The following MAST4 variants were observed in gnomAD, a reference collection of about 807,000 sequenced individuals.
MAST4 encodes microtubule associated serine/threonine kinase family member 4, also known as microtubule-associated serine/threonine-protein kinase 4.
In MAST4, 89 loss-of-function variants were observed where a neutral mutation model predicts 162.7. That is an observed-to-expected ratio of 0.55 (90% CI 0.46 to 0.65). MAST4 has a LOEUF of 0.65. Ranked by LOEUF, MAST4 falls within the 30% of genes least tolerant of loss-of-function variation. MAST4 has a pLI of 0.00. For synonymous variants in MAST4, 1,479 were observed against 1,361.1 expected (o/e 1.09, Z -1.91); for missense variants, 3,153 against 3,374.0 (o/e 0.93, Z 1.62).
chr5:66,983,017 T>TTA, intron 4 of MAST4, among the ~76,000 whole-genome samples: 1 of 152,298 alleles, frequency 6.6e-6, no homozygotes, highest in Middle Eastern at 3.4e-3. Context: ...CACATAGCAT[T>TTA]TATATAGGAT....
intron 3 of MAST4, among the ~76,000 whole-genome samples, chr5:66,801,310 T>TG (rs1755908054): frequency 6.6e-6 from 1 of 151,802 alleles, no homozygotes; most frequent in African/African-American, 2.4e-5. Context: ...TGGAGAATCC[T>TG]GGGGTAGGTG....
chr5:66,933,433 A>G (rs1302855562), intron 4 of MAST4, among the ~76,000 whole-genome samples: 1 of 152,216 alleles, frequency 6.6e-6, no homozygotes, highest in African/African-American at 2.4e-5. Flanking sequence ...TCTTGATTGC[A>G]TGCCATCATC....
chr5:66,688,375 A>G (rs1208136501), intron 1 of MAST4, among the ~76,000 whole-genome samples: 4 of 152,170 alleles, frequency 2.6e-5, no homozygotes, highest in Non-Finnish European at 5.9e-5. Context: ...TGATTCAGTC[A>G]TATCTCCTGA....
At chr5:66,753,618 G>A (rs1753331947) in intron 1 of MAST4, among the ~76,000 whole-genome samples, 1 of 151,628 alleles carries the variant, frequency 6.6e-6, no homozygotes, top group African/African-American at 2.4e-5. Flanking sequence ...TTGAATCTCT[G>A]AATAGACCAA....
At chr5:67,023,603 A>C (rs1170571375) in intron 4 of MAST4, among the ~76,000 whole-genome samples, 1 of 152,162 alleles carries the variant, frequency 6.6e-6, no homozygotes, top group East Asian at 1.9e-4. Context: ...ATGAATCTTC[A>C]TTATGTGGAT....
At chr5:66,864,280 G>A (rs909311935) in intron 3 of MAST4, among the ~76,000 whole-genome samples, 6 of 152,186 alleles carry the variant, frequency 3.9e-5, no homozygotes, top group African/African-American at 1.4e-4. Context: ...AATGAAGCAT[G>A]GGCATTCTTT....
rs1339505331 is a variant in MAST4, at chr5:67,020,071, G to T, written c.675-34333G>T. ...CTAGGAGAAGTATGCTCTTATTTATGCCTGTTCTCCCTTGAGTTTCAGGCA... is the reference window on the plus strand; with the variant it reads ...CTAGGAGAAGTATGCTCTTATTTATTCCTGTTCTCCCTTGAGTTTCAGGCA... On this transcript the variant is annotated intron_variant, in intron 4 of 28. Transcript: ENST00000403625. Among the ~76,000 whole-genome samples, 16 of 152,158 alleles carry T rather than the reference G, an allele frequency of 1.1e-4. 1 individual carries two copies. The highest frequency in any genetic ancestry group is 9.8e-4 in the Admixed American group (15 of 15,270).
intron 1 of MAST4, among the ~76,000 whole-genome samples, chr5:66,673,332 C>A (rs781455137): frequency 6.6e-6 from 1 of 151,696 alleles, no homozygotes; most frequent in Non-Finnish European, 1.5e-5. Flanking sequence ...TGTTTTTTTG[C>A]GGATTCTTAG....
At chr5:66,911,405 CTAA>C (rs1442030273) in intron 4 of MAST4, among the ~76,000 whole-genome samples, 1 of 152,048 alleles carries the variant, frequency 6.6e-6, no homozygotes, top group African/African-American at 2.4e-5. Context: ...ATTGCAAACT[CTAA>C]TAATAAGTTC....
At chr5:66,612,855 C>T (rs1743384069) in intron 1 of MAST4, among the ~76,000 whole-genome samples, 1 of 152,096 alleles carries the variant, frequency 6.6e-6, no homozygotes, top group African/African-American at 2.4e-5. Context: ...AAGTCTTCTG[C>T]TTTTCTCTTT....
intron 4 of MAST4, among the ~76,000 whole-genome samples, chr5:66,957,473 T>G (rs1271358925): frequency 1.3e-5 from 2 of 152,150 alleles, no homozygotes; most frequent in African/African-American, 4.8e-5. Context: ...TAGTATTTCC[T>G]TTTGTGATGC....
At chr5:66,718,677 A>G (rs1751009422) in intron 1 of MAST4, among the ~76,000 whole-genome samples, 1 of 152,188 alleles carries the variant, frequency 6.6e-6, no homozygotes, top group Non-Finnish European at 1.5e-5. Context: ...CTAATGCCTC[A>G]TCTCCCCAAG....
chr5:66,700,639 A>T (rs1288246059), intron 1 of MAST4, among the ~76,000 whole-genome samples: 5 of 151,978 alleles, frequency 3.3e-5, no homozygotes, highest in Admixed American at 2.0e-4. Context: ...AGCCGAGATC[A>T]TGCCATTGCA....
chr5:66,837,023 CATGTGTGTGTGT>C (rs1467291368), intron 3 of MAST4, among the ~76,000 whole-genome samples: 4 of 144,770 alleles, frequency 2.8e-5, no homozygotes, highest in African/African-American at 1.0e-4. Context: ...CATGCAGGAT[CATGTGTGTGTGT>C]GTGTGTGTGT....
At chr5:67,149,094 T>A (rs779846083) in intron 23 of MAST4, among the ~76,000 whole-genome samples, 1 of 152,084 alleles carries the variant, frequency 6.6e-6, no homozygotes, top group Non-Finnish European at 1.5e-5. Context: ...AAATATAGAT[T>A]GTTGAAAGAA....
At chr5:67,015,153 T>A (rs1753127226) in intron 4 of MAST4, among the ~76,000 whole-genome samples, 1 of 152,220 alleles carries the variant, frequency 6.6e-6, no homozygotes, top group Non-Finnish European at 1.5e-5. Flanking sequence ...CCTTTATACT[T>A]TTTTTCAGTT....
intron 2 of MAST4, among the ~76,000 whole-genome samples, chr5:66,785,232 A>G (rs996768507): frequency 2.0e-4 from 30 of 152,204 alleles, no homozygotes; most frequent in Non-Finnish European, 2.9e-5. Context: ...CCCTGTCTCA[A>G]AAAACAAAAC....
At chr5:66,904,026 A>AT (rs1312441180) in intron 4 of MAST4, among the ~76,000 whole-genome samples, 1 of 152,136 alleles carries the variant, frequency 6.6e-6, no homozygotes, top group African/African-American at 2.4e-5. Context: ...TTTGATTTAG[A>AT]TTTTTCTAAT....
intron 1 of MAST4, among the ~76,000 whole-genome samples, chr5:66,733,837 C>A (rs1752006928): frequency 6.6e-6 from 1 of 151,994 alleles, no homozygotes; most frequent in Non-Finnish European, 1.5e-5. Flanking sequence ...TAAATTATTG[C>A]TTTGTGAAAT....
Sources: gnomAD v4.1 joint callset for allele counts (sites outside exome capture counted in the v4.1 genomes callset) on GRCh38, gnomAD v4.1.1 for gene constraint, MANE v1.5 for transcripts, NCBI Gene and HGNC (gene_info 2026-07-23, HGNC 2026-07-21) for gene names.